Variants in MBOAT1 observed in about 807,000 individuals in gnomAD.
MBOAT1 encodes the protein membrane-bound glycerophospholipid O-acyltransferase 1.
In MBOAT1, 67 loss-of-function variants were observed where a neutral mutation model predicts 64.4. That is an observed-to-expected ratio of 1.04 (90% confidence interval 0.85 to 1.27). The LOEUF is 1.27. Among genes scored for constraint, MBOAT1 ranks in the 50% most tolerant of loss-of-function variants. The pLI is 0.00. For synonymous variants in MBOAT1, 229 were observed against 218.9 expected, an observed-to-expected ratio of 1.05 and a Z score of -0.41; for missense variants, 563 against 604.6, an observed-to-expected ratio of 0.93 and a Z score of 0.72.
intron 1 of MBOAT1, among the ~76,000 whole-genome samples, chr6:20,190,504 C>T (rs1762774165): frequency 6.6e-6 from 1 of 152,102 alleles, no homozygotes; most frequent in Non-Finnish European, 1.5e-5. Context: ...TTTAATGGGA[C>T]ATGAGGTCAT....
chr6:20,130,950 G>A (rs878988736), intron 5 of MBOAT1, among the ~76,000 whole-genome samples, 194 bp downstream of exon 5: 8 of 152,204 alleles, frequency 5.3e-5, no homozygotes, highest in Non-Finnish European at 1.2e-4. Flanking sequence ...TTAGACTGCC[G>A]ATTCTGCAGG....
At chr6:20,125,950 A>G (rs1760637510) in intron 7 of MBOAT1, 1 of 404,274 alleles carries the variant, frequency 2.5e-6, no homozygotes. Flanking sequence ...GCATATTTGT[A>G]AAGTTCAATG....
chr6:20,150,565 T>C (rs1761461276), intron 3 of MBOAT1, among the ~76,000 whole-genome samples: 1 of 147,790 alleles, frequency 6.8e-6, no homozygotes, highest in Non-Finnish European at 1.5e-5. Flanking sequence ...CTTTTTCCTT[T>C]TTTTTTTTTT....
At chr6:20,169,000 A>G (rs1415143962) in intron 1 of MBOAT1, among the ~76,000 whole-genome samples, 3 of 152,190 alleles carry the variant, frequency 2.0e-5, no homozygotes. Context: ...TCTTTTCCCA[A>G]CAACCTATGT....
intron 11 of MBOAT1, 140 bp downstream of exon 11, chr6:20,112,736 T>G: frequency 1.1e-6 from 1 of 879,576 alleles, no homozygotes; most frequent in Non-Finnish European, 1.7e-6. Flanking sequence ...ATGGGAAGAC[T>G]CTTGCATATT....
chr6:20,136,194 T>C lies in MBOAT1; in HGVS notation c.420-4995A>G, dbSNP rs531038877. On this transcript the variant is annotated intron_variant, in intron 4 of 12. Coordinates refer to ENST00000324607, the MANE Select transcript of MBOAT1 (RefSeq NM_001080480.3). The stretch of plus-strand genomic sequence containing the variant: ...CTACCAGGCTTCCTAGGGATGCAAC[T>C]AAAGGCAGAGATCACGCCTCTGGAC... Among the ~76,000 whole-genome samples, 9 of 152,312 alleles carry C rather than the reference T, an allele frequency of 5.9e-5. No homozygotes were observed. In the East Asian group the frequency reaches 1.4e-3, roughly 23 times the overall value.
chr6:20,209,952 C>T, intron 1 of MBOAT1, among the ~76,000 whole-genome samples: 1 of 152,192 alleles, frequency 6.6e-6, no homozygotes, highest in East Asian at 1.9e-4. Context: ...AATGAAGTAA[C>T]TCCACTTTCC....
intron 8 of MBOAT1, among the ~76,000 whole-genome samples, chr6:20,119,582 T>C (rs1760431587): frequency 6.6e-6 from 1 of 152,154 alleles, no homozygotes; most frequent in Non-Finnish European, 1.5e-5. Context: ...TCTGTCTCAT[T>C]TATATTTGGC....
intron 1 of MBOAT1, among the ~76,000 whole-genome samples, chr6:20,209,644 T>G (rs115890471): frequency 4.0e-4 from 61 of 152,324 alleles, no homozygotes; most frequent in Non-Finnish European, 7.8e-4. Flanking sequence ...AAAAAACTAT[T>G]TGAGTAACTT....
chr6:20,129,094 A>G (rs1329832816), intron 5 of MBOAT1, among the ~76,000 whole-genome samples: 4 of 152,158 alleles, frequency 2.6e-5, no homozygotes, highest in Non-Finnish European at 5.9e-5. Context: ...TCCCTGATAC[A>G]TCAGAGAGAG....
chr6:20,115,501 A>G, intron 9 of MBOAT1, 149 bp from the exon 10 acceptor site: 1 of 615,624 alleles, frequency 1.6e-6, no homozygotes, highest in Non-Finnish European at 2.9e-6. Context: ...TCCATCCTAC[A>G]CAGGACAATT....
chr6:20,156,137 G>A (rs184632391), intron 1 of MBOAT1, among the ~76,000 whole-genome samples: 4 of 151,986 alleles, frequency 2.6e-5, no homozygotes, highest in Admixed American at 1.3e-4. Context: ...CGGGCGTGGT[G>A]GTGGGCGCCT....
At chr6:20,166,296 T>C (rs979237275) in intron 1 of MBOAT1, among the ~76,000 whole-genome samples, 1 of 152,078 alleles carries the variant, frequency 6.6e-6, no homozygotes, top group Non-Finnish European at 1.5e-5. Flanking sequence ...GCAGGTGTGG[T>C]GAACTTAGAT....
chr6:20,183,407 C>T (rs556376856), intron 1 of MBOAT1, among the ~76,000 whole-genome samples: 1 of 152,314 alleles, frequency 6.6e-6, no homozygotes, highest in Admixed American at 6.5e-5. Context: ...ACCAGCTTGG[C>T]TCAACCACCA....
intron 1 of MBOAT1, among the ~76,000 whole-genome samples, chr6:20,183,935 G>A (rs1346684526): frequency 6.6e-6 from 1 of 152,120 alleles, no homozygotes; most frequent in Admixed American, 6.6e-5. Context: ...AGTAAAAGTG[G>A]AAACCCCCAA....
intron 4 of MBOAT1, among the ~76,000 whole-genome samples, chr6:20,141,184 T>C (rs900162500): frequency 6.6e-6 from 1 of 151,982 alleles, no homozygotes; most frequent in Admixed American, 6.6e-5. Context: ...ATCAGGGAAA[T>C]GAGCAAAGCA....
At chr6:20,108,731 G>C (rs1411487273) in intron 12 of MBOAT1, among the ~76,000 whole-genome samples, 1 of 152,244 alleles carries the variant, frequency 6.6e-6, no homozygotes, top group Non-Finnish European at 1.5e-5. Flanking sequence ...ATACAAGGTA[G>C]CATTTATTGA....
At position 20,118,438 on chromosome 6, in the gene MBOAT1, T is replaced by C. The variant is rs763777279; in HGVS notation, c.1010A>G (p.Glu337Gly). 1 of 1,612,892 alleles carries C rather than the reference T, an allele frequency of 6.2e-7. No individual in the cohort carries two copies. Among genetic ancestry groups the C allele is most frequent in the Non-Finnish European group, 8.5e-7 (1 of 1,179,054 alleles). ...LLSNLNIWKIETATSFKMYLE... is the reference protein window; with the variant it reads ...LLSNLNIWKIGTATSFKMYLE... ...TTGGACTTAAAAGCATACACTCACCTCAATTTTCCAGATGTTTAGGTTCGA... is the reference window on the plus strand; with the variant it reads ...TTGGACTTAAAAGCATACACTCACCCCAATTTTCCAGATGTTTAGGTTCGA... Residue 337 changes from glutamate (E) to glycine (G), a missense_variant and splice_region_variant, in exon 9 of 13, where the codon GAG becomes GGG. Coordinates refer to ENST00000324607, the MANE Select transcript of MBOAT1 (RefSeq NM_001080480.3).
chr6:20,157,876 C>T (rs554369407), intron 1 of MBOAT1, among the ~76,000 whole-genome samples: 12 of 152,156 alleles, frequency 7.9e-5, no homozygotes, highest in Non-Finnish European at 1.5e-4. Flanking sequence ...AAACATGAGC[C>T]AGCCCGCAGT....
Sources: allele counts gnomAD v4.1 joint callset (sites outside exome capture counted in the v4.1 genomes callset), GRCh38; gene constraint gnomAD v4.1.1; transcripts MANE v1.5; gene names NCBI Gene and HGNC (gene_info 2026-07-23, HGNC 2026-07-21).